The following RAPGEF2 variants were observed in gnomAD, a reference collection of about 807,000 sequenced individuals.
The protein encoded by RAPGEF2 is Rap guanine nucleotide exchange factor 2.
Under a neutral mutation model 186.7 loss-of-function variants are expected in RAPGEF2, and 54 were observed. The ratio of observed to expected loss-of-function variants is 0.29; its 90% CI spans 0.23 to 0.36. The LOEUF (loss-of-function observed/expected upper bound fraction) is 0.36, where lower values mean the gene tolerates loss of function less well. Ranked by LOEUF, RAPGEF2 falls within the 10% of genes least tolerant of loss-of-function variation. The probability of loss-of-function intolerance (pLI) is 1.00; values close to 1 mark genes in which losing one functional copy is unlikely to be tolerated. For synonymous variants in RAPGEF2, 712 were observed against 705.9 expected (o/e 1.01, Z -0.14); for missense variants, 1,532 against 2,045.0 (o/e 0.75, Z 4.84).
chr4:159,272,891 ACCTCT>A (rs1036804752), intron 7 of RAPGEF2, among the ~76,000 whole-genome samples: 2 of 152,178 alleles, frequency 1.3e-5, no homozygotes, highest in African/African-American at 4.8e-5. Context: ...CTCTTTCTTC[ACCTCT>A]CCTTCCTATC....
At chr4:159,155,229 C>T (rs770925079) in intron 1 of RAPGEF2, among the ~76,000 whole-genome samples, 1 of 152,046 alleles carries the variant, frequency 6.6e-6, no homozygotes, top group Non-Finnish European at 1.5e-5. Context: ...TGAAAGGATA[C>T]GTAGGTGAGA....
At chr4:159,109,824 C>T (rs1259008971) in intron 1 of RAPGEF2, among the ~76,000 whole-genome samples, 2 of 152,178 alleles carry the variant, frequency 1.3e-5, no homozygotes, top group Non-Finnish European at 2.9e-5. Context: ...CCTGGTAAGA[C>T]AACATGTGCA....
chr4:159,157,603 A>G (rs546753763), intron 1 of RAPGEF2, among the ~76,000 whole-genome samples: 1 of 152,260 alleles, frequency 6.6e-6, no homozygotes, highest in East Asian at 1.9e-4. Context: ...ACAGGACCAG[A>G]AGTTTTGTTG....
chr4:159,309,113 G>A (rs144631631), intron 8 of RAPGEF2, among the ~76,000 whole-genome samples: 117 of 152,232 alleles, frequency 7.7e-4, no homozygotes, highest in Non-Finnish European at 1.3e-3. Flanking sequence ...AAGACAGGTC[G>A]AGCAACAAGG....
intron 1 of RAPGEF2, among the ~76,000 whole-genome samples, chr4:159,158,778 C>T (rs1304105609): frequency 6.6e-6 from 1 of 152,198 alleles, no homozygotes; most frequent in African/African-American, 2.4e-5. Flanking sequence ...TGAAATTTTA[C>T]TAGCGTTATT....
chr4:159,140,199 T>C (rs1415710785), intron 1 of RAPGEF2, among the ~76,000 whole-genome samples: 1 of 152,226 alleles, frequency 6.6e-6, no homozygotes, highest in African/African-American at 2.4e-5. Flanking sequence ...AGGAGATAAT[T>C]TTCCATTTTG....
chr4:159,357,422 T>C (rs1434641318), intron 29 of RAPGEF2, among the ~76,000 whole-genome samples: 1 of 152,184 alleles, frequency 6.6e-6, no homozygotes, highest in Non-Finnish European at 1.5e-5. Flanking sequence ...CCACATTCTT[T>C]ATAACTCTTT....
At chr4:159,190,291 C>G (rs1473928312) in intron 2 of RAPGEF2, among the ~76,000 whole-genome samples, 6 of 152,136 alleles carry the variant, frequency 3.9e-5, no homozygotes, top group African/African-American at 1.4e-4. Context: ...GGAAAGATCT[C>G]TGGAAGCTTT....
chr4:159,165,172 C>A (rs1360429804), intron 1 of RAPGEF2, among the ~76,000 whole-genome samples: 2 of 151,936 alleles, frequency 1.3e-5, no homozygotes, highest in Non-Finnish European at 2.9e-5. Context: ...ATTTGATTTC[C>A]AGCTGTTTTG....
chr4:159,337,952 A>T (rs986855374), intron 17 of RAPGEF2, among the ~76,000 whole-genome samples: 2 of 150,708 alleles, frequency 1.3e-5, no homozygotes, highest in Non-Finnish European at 3.0e-5. Flanking sequence ...CATACTATAC[A>T]CTTAAGAAAC....
At chr4:159,282,482 G>A (rs562121655) in intron 7 of RAPGEF2, 1 of 276,926 alleles carries the variant, frequency 3.6e-6, no homozygotes, top group Non-Finnish European at 7.1e-6. Flanking sequence ...TTTGCAAGGA[G>A]GTATTTTTAG....
chr4:159,175,406 C>T (rs1746356838), intron 1 of RAPGEF2, among the ~76,000 whole-genome samples: 1 of 152,066 alleles, frequency 6.6e-6, no homozygotes, highest in Non-Finnish European at 1.5e-5. Flanking sequence ...CACAAAGCAC[C>T]TCAGCAGGCT....
chr4:159,149,440 G>A (rs904871901), intron 1 of RAPGEF2, among the ~76,000 whole-genome samples: 1 of 152,008 alleles, frequency 6.6e-6, no homozygotes, highest in Admixed American at 6.6e-5. Flanking sequence ...TGTATTTTTA[G>A]TGGAGACAGG....
intron 4 of RAPGEF2, among the ~76,000 whole-genome samples, chr4:159,220,268 G>A (rs1751406539): frequency 6.7e-6 from 1 of 149,954 alleles, no homozygotes; most frequent in Non-Finnish European, 1.5e-5. Context: ...ACTAGCACGT[G>A]TTTGTGTGTT....
chr4:159,258,007 T>C (rs1756384580), intron 7 of RAPGEF2, among the ~76,000 whole-genome samples: 1 of 152,208 alleles, frequency 6.6e-6, no homozygotes, highest in African/African-American at 2.4e-5. Flanking sequence ...ATTAATAATA[T>C]GAAATGCTAC....
intron 1 of RAPGEF2, among the ~76,000 whole-genome samples, chr4:159,175,144 A>G (rs887746596): frequency 1.3e-5 from 2 of 152,232 alleles, no homozygotes; most frequent in African/African-American, 4.8e-5. Flanking sequence ...TAATGTCATT[A>G]TCAGGTTTTC....
At chr4:159,219,865 G>A (rs890052216) in intron 4 of RAPGEF2, among the ~76,000 whole-genome samples, 79 of 152,224 alleles carry the variant, frequency 5.2e-4, no homozygotes, top group African/African-American at 1.6e-3. Flanking sequence ...TTTGATATGC[G>A]TATACTTCTA....
intron 4 of RAPGEF2, among the ~76,000 whole-genome samples, chr4:159,213,165 A>G (rs570871682): frequency 2.6e-5 from 4 of 152,308 alleles, no homozygotes; most frequent in African/African-American, 9.6e-5. Flanking sequence ...GCACCGTCCA[A>G]GTTGCTTGTT....
At chr4:159,182,490 G>A (rs541019738) in intron 1 of RAPGEF2, among the ~76,000 whole-genome samples, 1 of 147,008 alleles carries the variant, frequency 6.8e-6, no homozygotes, top group African/African-American at 2.5e-5. Context: ...CCTTCTCCTG[G>A]GTTCAAGCGA....
Sources: allele counts gnomAD v4.1 joint callset (sites outside exome capture counted in the v4.1 genomes callset), GRCh38; gene constraint gnomAD v4.1.1; transcripts MANE v1.5; gene names NCBI Gene and HGNC (gene_info 2026-07-23, HGNC 2026-07-21).